Variants in CFAP251 observed in about 807,000 individuals in gnomAD.
CFAP251 encodes the protein cilia and flagella associated protein 251.
In CFAP251, 93 loss-of-function variants were observed where a neutral mutation model predicts 126.7. The observed-to-expected ratio is 0.73, with a 90% confidence interval of 0.62 to 0.87. The LOEUF is 0.87. Among genes scored for constraint, CFAP251 ranks in the 40% least tolerant of loss-of-function variants. The pLI is 0.00. For missense variants in CFAP251, 1,287 were observed against 1,389.2 expected, an observed-to-expected ratio of 0.93 and a Z score of 1.17; for synonymous variants, 503 against 506.9, an observed-to-expected ratio of 0.99 and a Z score of 0.10.
intron 17 of CFAP251, chr12:121,969,683 G>A: frequency 1.1e-6 from 1 of 912,020 alleles, no homozygotes; most frequent in Non-Finnish European, 1.3e-6. Flanking sequence ...TCGATACAGA[G>A]TCACACCAAG....
At chr12:121,963,672 CACTG>C (rs1268883322) in intron 15 of CFAP251, among the ~76,000 whole-genome samples, 1 of 148,612 alleles carries the variant, frequency 6.7e-6, no homozygotes, top group Non-Finnish European at 1.5e-5. Context: ...TCACAAGAAA[CACTG>C]ACGATTGTGC....
chr12:121,924,032 G>A, intron 3 of CFAP251, 42 bp downstream of exon 3: 1 of 1,537,958 alleles, frequency 6.5e-7, no homozygotes, highest in Non-Finnish European at 8.7e-7. Flanking sequence ...GCTTTTGAGA[G>A]TGTTGCGCAA....
intron 15 of CFAP251, 42 bp downstream of exon 15, chr12:121,962,204 G>T (rs201332869): frequency 1.9e-6 from 3 of 1,586,790 alleles, no homozygotes; most frequent in Admixed American, 3.4e-5. Context: ...CGTGGATCAA[G>T]TTCTCTGCCC....
At chr12:121,965,672 A>G (rs890639933) in intron 15 of CFAP251, among the ~76,000 whole-genome samples, 1 of 152,224 alleles carries the variant, frequency 6.6e-6, no homozygotes, top group Admixed American at 6.5e-5. Flanking sequence ...CAAATTACCA[A>G]TGAAGCATGA....
intron 19 of CFAP251, chr12:121,992,129 G>A (rs976045510): frequency 1.2e-5 from 10 of 857,300 alleles, no homozygotes; most frequent in Non-Finnish European, 1.3e-5. Flanking sequence ...ACAACCACCA[G>A]TGCGTCTGGG....
At chr12:121,996,926 CA>C (rs1223631336) in intron 19 of CFAP251, 2 of 152,184 alleles carry the variant, frequency 1.3e-5, no homozygotes, top group Non-Finnish European at 2.9e-5. Context: ...CAAGTTGTCA[CA>C]TTTTCTTTTT....
intron 9 of CFAP251, chr12:121,953,683 T>C (rs898258962): frequency 2.9e-5 from 5 of 172,958 alleles, no homozygotes; most frequent in Non-Finnish European, 6.3e-5. Context: ...AGGGCATTTC[T>C]ATGTACAGTG....
chr12:121,964,727 C>A (rs1037538761), intron 15 of CFAP251, among the ~76,000 whole-genome samples: 1 of 151,312 alleles, frequency 6.6e-6, no homozygotes, highest in East Asian at 1.9e-4. Context: ...TGGTGAAACC[C>A]TGTCTCTACT....
chr12:121,948,876 A>G, intron 7 of CFAP251, 108 bp from the exon 8 acceptor site: 1 of 632,280 alleles, frequency 1.6e-6, no homozygotes, highest in Non-Finnish European at 2.6e-6. Context: ...TTTCTGTTTT[A>G]TATTCCTACT....
chr12:121,947,764 G>T (rs1190237973), intron 7 of CFAP251: 1 of 152,190 alleles, frequency 6.6e-6, no homozygotes, highest in African/African-American at 2.4e-5. Context: ...GCTTGAGGTC[G>T]TTTGAGGCTG....
chr12:121,981,247 C>T (rs147712515), intron 19 of CFAP251, among the ~76,000 whole-genome samples: 3 of 151,924 alleles, frequency 2.0e-5, no homozygotes, highest in East Asian at 3.9e-4. Context: ...GCAGGAGGAT[C>T]GCTTTAGTAA....
chr12:121,999,605 G>A, intron 19 of CFAP251, 111 bp from the exon 20 acceptor site: 1 of 798,774 alleles, frequency 1.3e-6, no homozygotes, highest in Admixed American at 2.8e-5. Context: ...CAAAGTGCTA[G>A]GATTACAGGC....
chr12:121,958,801 G>A (rs946314594), intron 12 of CFAP251, 142 bp from the exon 13 acceptor site: 7 of 1,094,164 alleles, frequency 6.4e-6, no homozygotes, highest in South Asian at 1.6e-5. Flanking sequence ...AGGAGATCAC[G>A]CGTTTCGGTT....
intron 8 of CFAP251, chr12:121,950,514 CTGAT>C (rs1881482151): frequency 6.6e-6 from 1 of 152,144 alleles, no homozygotes; most frequent in African/African-American, 2.4e-5. Flanking sequence ...CATTGAGTCA[CTGAT>C]TGTGAGTGAT....
At chr12:121,940,139 G>A (rs1881051750) in intron 5 of CFAP251, among the ~76,000 whole-genome samples, 1 of 151,968 alleles carries the variant, frequency 6.6e-6, no homozygotes, top group South Asian at 2.1e-4. Context: ...TTTTAAATTA[G>A]CATCACAAAT....
At chr12:121,983,951 TA>T (rs1882687565) in intron 19 of CFAP251, among the ~76,000 whole-genome samples, 2 of 152,200 alleles carry the variant, frequency 1.3e-5, no homozygotes, top group Admixed American at 1.3e-4. Flanking sequence ...TTACCGTGGT[TA>T]ATGAAACATT....
intron 19 of CFAP251, chr12:121,996,920 T>C (rs1883032435): frequency 6.6e-6 from 1 of 152,220 alleles, no homozygotes; most frequent in African/African-American, 2.4e-5. Flanking sequence ...CAGTGACAAG[T>C]TGTCACATTT....
intron 19 of CFAP251, among the ~76,000 whole-genome samples, chr12:121,993,801 G>T (rs1244743725): frequency 3.5e-5 from 5 of 143,596 alleles, no homozygotes; most frequent in African/African-American, 5.1e-5. Context: ...GAGGTGGGGG[G>T]GTCAGCCCCC....
chr12:121,945,857 G>A (rs1201586552), intron 7 of CFAP251, among the ~76,000 whole-genome samples: 1 of 151,204 alleles, frequency 6.6e-6, no homozygotes, highest in African/African-American at 2.4e-5. Flanking sequence ...TAATAGAGAC[G>A]GAGTTTCACC....
Sources: gnomAD v4.1 joint callset for allele counts (sites outside exome capture counted in the v4.1 genomes callset) on GRCh38, gnomAD v4.1.1 for gene constraint, MANE v1.5 for transcripts, NCBI Gene and HGNC (gene_info 2026-07-23, HGNC 2026-07-21) for gene names.